Variants in PCDHA3 observed in about 807,000 individuals in gnomAD.
The protein encoded by PCDHA3 is protocadherin alpha 3, also known as protocadherin alpha-3.
Under a neutral mutation model 62.2 loss-of-function variants are expected in PCDHA3, and 41 were observed. The ratio of observed to expected loss-of-function variants is 0.66; its 90% CI spans 0.51 to 0.86. The LOEUF (loss-of-function observed/expected upper bound fraction) is 0.86, where lower values mean the gene tolerates loss of function less well. PCDHA3 is among the 40% of genes least tolerant of loss of function. The pLI is 0.00. For synonymous variants in PCDHA3, 640 were observed against 555.4 expected, an observed-to-expected ratio of 1.15 and a Z score of -2.14; for missense variants, 1,304 against 1,241.2, an observed-to-expected ratio of 1.05 and a Z score of -0.76.
chr5:140,823,093 G>C lies in PCDHA3; in HGVS notation c.2394+19502G>C, dbSNP rs2150122208. ...GCCTTCGCTGTGGGCCACCGCCAGC[G>C]TGTCTGTGGAAGTGGCCGACGTGAA... On this transcript the variant is annotated intron_variant, in intron 1 of 3. Transcript: ENST00000522353. 7 of 1,614,058 alleles carry C rather than the reference G, an allele frequency of 4.3e-6. No individual in the cohort carries two copies. Among genetic ancestry groups the C allele is most frequent in the South Asian group, 3.3e-5 (3 of 91,080 alleles).
chr5:140,849,787 G>A lies in PCDHA3; in HGVS notation c.2394+46196G>A, dbSNP rs1421161535. The stretch of plus-strand genomic sequence containing the variant: ...CTGGTGGTTACCGCGCGGGACGGGG[G>A]CTCGCCTTCACTGTGGGCCACGGCC... On this transcript the variant is annotated intron_variant, in intron 1 of 3. Transcript: ENST00000522353. 3.1e-6 allele frequency: 5 copies of A among 1,598,342 alleles called. 1 individual carries two copies. The highest frequency in any genetic ancestry group is 3.4e-4 in the Middle Eastern group (2 of 5,864).
intron 1 of PCDHA3, among the ~76,000 whole-genome samples, chr5:140,956,852 G>T (rs931766503): frequency 3.3e-5 from 5 of 152,060 alleles, no homozygotes; most frequent in African/African-American, 1.2e-4. Context: ...TGGGTTAAAT[G>T]GTTGAATGAA....
At chr5:140,972,480 C>A (rs558245112) in intron 1 of PCDHA3, among the ~76,000 whole-genome samples, 2 of 151,890 alleles carry the variant, frequency 1.3e-5, no homozygotes, top group East Asian at 3.9e-4. Context: ...AGCATTTAAC[C>A]CCAGACTCTA....
intron 1 of PCDHA3, chr5:140,834,737 T>C (rs2150225179): frequency 1.9e-6 from 3 of 1,614,230 alleles, no homozygotes; most frequent in African/African-American, 1.3e-5. Context: ...AGGTTTTCCA[T>C]GTGGACGTGG....
chr5:140,978,794 TG>T (rs1179958432), intron 1 of PCDHA3, 154 bp from the exon 2 acceptor site: 8 of 978,628 alleles, frequency 8.2e-6, no homozygotes, highest in Non-Finnish European at 9.7e-6. Context: ...GTGCTATATA[TG>T]TAGATATCAT....
intron 1 of PCDHA3, among the ~76,000 whole-genome samples, chr5:140,912,566 T>G (rs1562988008): frequency 2.0e-5 from 3 of 152,178 alleles, no homozygotes; most frequent in Admixed American, 1.3e-4. Context: ...CAGTTTTAAC[T>G]TCCTCTTTTC....
chr5:140,891,040 C>A (rs2062916193), intron 1 of PCDHA3, among the ~76,000 whole-genome samples: 1 of 145,080 alleles, frequency 6.9e-6, no homozygotes, highest in Admixed American at 6.6e-5. Context: ...TTAGGTGTGA[C>A]CCCCACAGCA....
At chr5:140,959,624 AAAAG>A (rs2095502972) in intron 1 of PCDHA3, among the ~76,000 whole-genome samples, 1 of 152,220 alleles carries the variant, frequency 6.6e-6, no homozygotes, top group Non-Finnish European at 1.5e-5. Context: ...GTGATAGAAA[AAAAG>A]AGAGAAAAAA....
At chr5:140,843,158 C>T in intron 1 of PCDHA3, 1 of 1,596,142 alleles carries the variant, frequency 6.3e-7, no homozygotes, top group Non-Finnish European at 8.6e-7. Flanking sequence ...TGAGCTGCAG[C>T]CAGCTGCAAG....
intron 1 of PCDHA3, among the ~76,000 whole-genome samples, chr5:140,941,599 G>A (rs1017713166): frequency 3.3e-5 from 5 of 152,116 alleles, no homozygotes; most frequent in African/African-American, 1.2e-4. Flanking sequence ...ACAGCCATGA[G>A]CCATGGTGCC....
intron 1 of PCDHA3, among the ~76,000 whole-genome samples, chr5:140,880,101 T>C (rs1190307689): frequency 6.6e-6 from 1 of 152,192 alleles, no homozygotes; most frequent in Non-Finnish European, 1.5e-5. Context: ...CTTAAAATCA[T>C]AGAAGGATAG....
chr5:140,904,150 C>T (rs1005130566), intron 1 of PCDHA3, among the ~76,000 whole-genome samples: 1 of 152,036 alleles, frequency 6.6e-6, no homozygotes, highest in Non-Finnish European at 1.5e-5. Context: ...GTATACATTG[C>T]ACCCAGTTTG....
At chr5:140,848,630 G>T in intron 1 of PCDHA3, 1 of 1,593,376 alleles carries the variant, frequency 6.3e-7, no homozygotes, top group Non-Finnish European at 8.6e-7. Flanking sequence ...GCACCTTCGT[G>T]GGCCGCATCG....
chr5:140,807,396 G>A lies in PCDHA3; in HGVS notation c.2394+3805G>A, dbSNP rs782005139. The A allele has an allele frequency of 1.0e-5, 15 of 1,453,308 alleles. 3 individuals carry two copies. Among genetic ancestry groups the A allele is most frequent in the South Asian group, 2.4e-5 (2 of 84,820 alleles). The allele number at this position is 1,453,308 out of a possible 1,614,324, so 90.0% of individuals were successfully genotyped here. On this transcript the variant is annotated intron_variant, in intron 1 of 3. Coordinates refer to ENST00000522353, the MANE Select transcript of PCDHA3 (RefSeq NM_018906.3). ...CGCCTGTTCCGGGTGGCGTCCAAGG[G>A]CCGCGGAGGCCTTCTGGAGGTAAAT... is the stretch of plus-strand genomic sequence containing the variant.
rs2150382245 is a variant in PCDHA3, at chr5:140,845,891, G to A, written c.2394+42300G>A. On this transcript the variant is annotated intron_variant, in intron 1 of 3. Coordinates refer to ENST00000522353, the MANE Select transcript of PCDHA3 (RefSeq NM_018906.3). ...AGGCAACCTAAAATGTCAGAAAGTC[G>A]TTATGGCCTTCCATATTAATCTTAT... 6.7e-5 allele frequency among the ~76,000 whole-genome samples: 10 copies of A among 149,728 alleles called. 1 individual carries two copies. Among genetic ancestry groups the A allele is most frequent in the East Asian group, 3.9e-4 (2 of 5,176 alleles).
chr5:140,924,527 G>T (rs2081885403), intron 1 of PCDHA3, among the ~76,000 whole-genome samples: 1 of 152,074 alleles, frequency 6.6e-6, no homozygotes. Context: ...AAAAGAGAAT[G>T]CCCGAGCTAC....
chr5:140,946,631 T>TAC (rs374022482), intron 1 of PCDHA3, among the ~76,000 whole-genome samples: 8 of 131,856 alleles, frequency 6.1e-5, no homozygotes, highest in African/African-American at 1.7e-4. Context: ...TATATATATA[T>TAC]ACAATGGAAT....
chr5:140,836,005 G>A (rs1554135535), intron 1 of PCDHA3: 5 of 1,613,362 alleles, frequency 3.1e-6, no homozygotes, highest in Admixed American at 1.7e-5. Context: ...CGCGATGCGG[G>A]CGTGCCGCCT....
chr5:140,869,451 T>C, intron 1 of PCDHA3: 1 of 1,614,146 alleles, frequency 6.2e-7, no homozygotes, highest in Non-Finnish European at 8.5e-7. Context: ...CGCTGCAGGT[T>C]TTCCATGTGA....
Sources: gnomAD v4.1 joint callset for allele counts (sites outside exome capture counted in the v4.1 genomes callset) on GRCh38, gnomAD v4.1.1 for gene constraint, MANE v1.5 for transcripts, NCBI Gene and HGNC (gene_info 2026-07-23, HGNC 2026-07-21) for gene names.